The following QRICH1 variants were observed in gnomAD, a reference collection of about 807,000 sequenced individuals.
QRICH1 encodes the protein transcriptional regulator QRICH1.
A neutral mutation model predicts 87.1 loss-of-function variants in QRICH1; 16 were observed. The ratio of observed to expected loss-of-function variants is 0.18; its 90% CI spans 0.12 to 0.28. QRICH1 has a LOEUF of 0.28. Among genes scored for constraint, QRICH1 ranks in the 10% least tolerant of loss-of-function variants. The pLI is 1.00. For synonymous variants in QRICH1, 367 were observed against 368.4 expected (o/e 1.00, Z 0.05); for missense variants, 647 against 951.7 (o/e 0.68, Z 4.21).
At chr3:49,040,811 G>GTT (rs752669984) in intron 6 of QRICH1, among the ~76,000 whole-genome samples, 1 of 152,188 alleles carries the variant, frequency 6.6e-6, no homozygotes, top group East Asian at 1.9e-4. Flanking sequence ...TTCCAAAGTG[G>GTT]TTGTGTCTTT....
chr3:49,052,297 G>A (rs2093375576), intron 3 of QRICH1, among the ~76,000 whole-genome samples: 2 of 152,126 alleles, frequency 1.3e-5, no homozygotes, highest in Admixed American at 1.3e-4. Context: ...TCTGAGACAA[G>A]GAAGTTTGAC....
chr3:49,086,323 C>T (rs2042165901), intron 1 of QRICH1, among the ~76,000 whole-genome samples: 1 of 150,436 alleles, frequency 6.6e-6, no homozygotes, highest in Non-Finnish European at 1.5e-5. Flanking sequence ...ATGGTGCGAT[C>T]TCGGCTCACT....
intron 4 of QRICH1, among the ~76,000 whole-genome samples, 187 bp downstream of exon 4, chr3:49,046,882 C>A (rs1261868336): frequency 6.6e-6 from 1 of 152,184 alleles, no homozygotes; most frequent in Non-Finnish European, 1.5e-5. Flanking sequence ...GCAAACCCCA[C>A]ATATCCTGCT....
intron 6 of QRICH1, among the ~76,000 whole-genome samples, chr3:49,037,075 A>AT (rs1226767351): frequency 6.9e-6 from 1 of 144,428 alleles, no homozygotes. Flanking sequence ...CCGTCTCTTA[A>AT]AAAAAAAAAA....
intron 2 of QRICH1, among the ~76,000 whole-genome samples, chr3:49,061,931 A>G (rs2093437376): frequency 6.6e-6 from 1 of 152,212 alleles, no homozygotes. Flanking sequence ...GGAAATTCCA[A>G]TCAAAGCCAC....
chr3:49,044,267 G>A, intron 6 of QRICH1, 123 bp downstream of exon 6: 2 of 761,544 alleles, frequency 2.6e-6, no homozygotes. Flanking sequence ...AGTGGCCAAT[G>A]CTGCTGCAGT....
At chr3:49,082,014 G>A (rs2042071254) in intron 1 of QRICH1, among the ~76,000 whole-genome samples, 1 of 152,120 alleles carries the variant, frequency 6.6e-6, no homozygotes, top group Non-Finnish European at 1.5e-5. Flanking sequence ...CACCGTGTTG[G>A]CTAAGCTGGT....
chr3:49,075,321 C>A (rs908463067), intron 2 of QRICH1, among the ~76,000 whole-genome samples: 2 of 148,122 alleles, frequency 1.4e-5, no homozygotes, highest in South Asian at 2.1e-4. Flanking sequence ...AGAGCAAGAC[C>A]CTGTCCCTCA....
At position 49,056,892 on chromosome 3, in the gene QRICH1, CTGCTGT is replaced by C; in HGVS notation, c.1302_1307del (p.Gln439_Gln440del). The C allele has an allele frequency of 1.2e-6, 2 of 1,614,112 alleles. No individual in the cohort carries two copies. Among genetic ancestry groups the C allele is most frequent in the African/African-American group, 2.7e-5 (2 of 75,030 alleles). ...AAGTAACTTGGAGTTGCTGCTGCTG[CTGCTGT>C]GGTGGTGGTGTCTGTTCCTGGGGAG... On this transcript the variant is annotated inframe_deletion, in exon 3 of 10. Coordinates refer to ENST00000395443, the MANE Select transcript of QRICH1 (RefSeq NM_198880.3).
intron 1 of QRICH1, among the ~76,000 whole-genome samples, chr3:49,081,725 T>G (rs1033123211): frequency 6.6e-6 from 1 of 152,158 alleles, no homozygotes; most frequent in African/African-American, 2.4e-5. Context: ...GTTCTCAAAC[T>G]CCTGGGCTCA....
At chr3:49,063,468 C>G (rs370949457) in intron 2 of QRICH1, among the ~76,000 whole-genome samples, 2 of 152,192 alleles carry the variant, frequency 1.3e-5, no homozygotes, top group African/African-American at 2.4e-5. Flanking sequence ...TACTGCAGAA[C>G]AGCAGTTTTC....
chr3:49,067,587 A>C (rs2106943869), intron 2 of QRICH1, among the ~76,000 whole-genome samples: 1 of 152,100 alleles, frequency 6.6e-6, no homozygotes, highest in African/African-American at 2.4e-5. Flanking sequence ...AACAAAAAAG[A>C]AATTAAATGT....
intron 2 of QRICH1, among the ~76,000 whole-genome samples, chr3:49,064,814 C>T (rs529799416): frequency 9.2e-4 from 140 of 152,024 alleles, no homozygotes; most frequent in Non-Finnish European, 1.6e-3. Context: ...GTCAGGAGTT[C>T]GAGACCCGCC....
Position 49,056,848 on chromosome 3 carries a change from A to G in QRICH1, c.1338+14T>C. On this transcript the variant is annotated intron_variant, in intron 3 of 9. Coordinates refer to ENST00000395443, the MANE Select transcript of QRICH1 (RefSeq NM_198880.3). ...GGACCAGGCTGCCTGCCCTACTGAT[A>G]AGTCTTCACTTACTGAACAAGTAAC... is the stretch of plus-strand genomic sequence containing the variant. 6.2e-7 allele frequency: 1 copy of G among 1,614,118 alleles called. No individual in the cohort carries two copies. The highest frequency in any genetic ancestry group is 8.5e-7 in the Non-Finnish European group (1 of 1,180,026).
Position 49,089,645 on chromosome 3 carries a change from A to G in QRICH1, c.-22+4267T>C, listed in dbSNP as rs1029897981. ...ACCTTATGGTGTATTCATACAACAG[A>G]ATACTACATAAAAAATGGAAATGAA... is the stretch of plus-strand genomic sequence containing the variant. On this transcript the variant is annotated intron_variant, in intron 1 of 9. Coordinates refer to ENST00000395443, the MANE Select transcript of QRICH1 (RefSeq NM_198880.3). 3.8e-4 allele frequency among the ~76,000 whole-genome samples: 58 copies of G among 152,244 alleles called. 1 individual carries two copies. The highest frequency in any genetic ancestry group is 5.9e-5 in the Non-Finnish European group (4 of 68,046).
chr3:49,035,390 T>A (rs959377879), intron 6 of QRICH1, among the ~76,000 whole-genome samples: 36 of 152,088 alleles, frequency 2.4e-4, no homozygotes, highest in Non-Finnish European at 4.0e-4. Context: ...CTTAAAAAAA[T>A]AATTTTTCTC....
At chr3:49,094,354 A>C (rs1029008840), upstream of QRICH1, 1 of 276,200 alleles carries the variant, frequency 3.6e-6, no homozygotes, top group African/African-American at 2.2e-5. Flanking sequence ...CGCCCGCCAG[A>C]GCCTCCTTTG....
chr3:49,064,080 TTTG>T (rs1660658948), intron 2 of QRICH1, among the ~76,000 whole-genome samples: 1 of 149,198 alleles, frequency 6.7e-6, no homozygotes, highest in Non-Finnish European at 1.5e-5. Context: ...CTGGTTTTCT[TTTG>T]TTGTTGTTTT....
intron 2 of QRICH1, among the ~76,000 whole-genome samples, chr3:49,063,744 G>A (rs1385555478): frequency 2.0e-5 from 3 of 152,054 alleles, no homozygotes; most frequent in African/African-American, 4.8e-5. Flanking sequence ...AACTATGAAC[G>A]GCACGTGCCA....
Sources: allele counts gnomAD v4.1 joint callset (sites outside exome capture counted in the v4.1 genomes callset), GRCh38; gene constraint gnomAD v4.1.1; transcripts MANE v1.5; gene names NCBI Gene and HGNC (gene_info 2026-07-23, HGNC 2026-07-21).